Variants in DCAF1 observed in about 807,000 individuals in gnomAD.
DCAF1 encodes DDB1- and CUL4-associated factor 1.
A neutral mutation model predicts 128.0 loss-of-function variants in DCAF1; 15 were observed. That is an observed-to-expected ratio of 0.12 (90% CI 0.08 to 0.18). The LOEUF (loss-of-function observed/expected upper bound fraction) is 0.18, where lower values mean the gene tolerates loss of function less well. Ranked by LOEUF, DCAF1 falls within the 10% of genes least tolerant of loss-of-function variation. The pLI, the probability that DCAF1 is intolerant of heterozygous loss-of-function variation, is 1.00. For missense variants in DCAF1, 988 were observed against 1,649.5 expected (o/e 0.60, Z 6.95); for synonymous variants, 610 against 603.0 (o/e 1.01, Z -0.17).
chr3:51,495,225 G>A (rs972679890), intron 2 of DCAF1, among the ~76,000 whole-genome samples: 1 of 152,144 alleles, frequency 6.6e-6, no homozygotes, highest in Non-Finnish European at 1.5e-5. Context: ...TCGGGAGGCT[G>A]AGGCAGGAGA....
chr3:51,435,998 C>T (rs923775582), intron 9 of DCAF1, among the ~76,000 whole-genome samples: 3 of 152,174 alleles, frequency 2.0e-5, no homozygotes, highest in East Asian at 1.9e-4. Flanking sequence ...AAGTTTGATC[C>T]GACCTTGGTC....
intron 6 of DCAF1, among the ~76,000 whole-genome samples, chr3:51,450,544 G>A (rs917022332): frequency 2.6e-5 from 4 of 152,160 alleles, no homozygotes; most frequent in African/African-American, 9.7e-5. Context: ...CTAGATTCTA[G>A]AAGGAAACAT....
intron 6 of DCAF1, among the ~76,000 whole-genome samples, chr3:51,462,761 A>G (rs1577228923): frequency 6.6e-6 from 1 of 151,316 alleles, no homozygotes; most frequent in South Asian, 2.1e-4. Flanking sequence ...AAAAAAAAAA[A>G]AAAAACTATA....
At chr3:51,415,862 G>A (rs1698834401) in intron 18 of DCAF1, among the ~76,000 whole-genome samples, 1 of 152,048 alleles carries the variant, frequency 6.6e-6, no homozygotes, top group South Asian at 2.1e-4. Context: ...GGGATTACAG[G>A]CAGAAGCCAC....
intron 2 of DCAF1, among the ~76,000 whole-genome samples, chr3:51,492,347 C>T (rs868975188): frequency 6.6e-6 from 1 of 151,862 alleles, no homozygotes; most frequent in African/African-American, 2.4e-5. Flanking sequence ...AACCCCATCT[C>T]TACTAAAAAT....
intron 3 of DCAF1, among the ~76,000 whole-genome samples, chr3:51,476,684 T>C (rs1196583842): frequency 1.3e-5 from 2 of 150,576 alleles, no homozygotes; most frequent in Non-Finnish European, 1.5e-5. Flanking sequence ...AAGACCATCC[T>C]GGCTAACACG....
rs782229791 is a variant in DCAF1 at position 51,413,355 on chromosome 3, T to C, written c.3963A>G (p.Leu1321=). The C allele has an allele frequency of 8.1e-6, 13 of 1,613,442 alleles. No individual in the cohort carries two copies. The highest frequency in any genetic ancestry group is 1.1e-5 in the Non-Finnish European group (13 of 1,179,674). ...AMLQADDEDD[L]MEERMKSPFG... ...AGGGGCTTTTCATCCTCTCTTCCAT[T>C]AAGTCATCTTCATCATCTGCCTGCA... is the stretch of plus-strand genomic sequence containing the variant. The change falls in exon 21 of 25, where the codon TTA becomes TTG. Residue 1321 remains leucine (L), a synonymous_variant. Transcript: ENST00000684031.
chr3:51,436,710 G>A (rs1342856525), intron 9 of DCAF1, among the ~76,000 whole-genome samples: 1 of 152,096 alleles, frequency 6.6e-6, no homozygotes, highest in Non-Finnish European at 1.5e-5. Context: ...AGCACCAAGA[G>A]GACAAAAGTA....
intron 12 of DCAF1, 25 bp from the exon 13 acceptor site, chr3:51,427,566 A>C: frequency 1.7e-6 from 1 of 599,374 alleles, no homozygotes; most frequent in Non-Finnish European, 3.0e-6. Flanking sequence ...ATATAGTATT[A>C]TTATTATATA....
In DCAF1 at chr3:51,498,646, C is replaced by T. The variant is rs529165517; in HGVS notation, c.-56+1227G>A. ...AGTAAAACACTGTACTCAGCAACTA[C>T]GCAAGAGATACTAAGTACAAAATGA... On this transcript the variant is annotated intron_variant, in intron 1 of 24. Coordinates refer to ENST00000684031, the MANE Select transcript of DCAF1 (RefSeq NM_001387579.1). Among the ~76,000 whole-genome samples the T allele has an allele frequency of 8.5e-5, 13 of 152,236 alleles. No individual in the cohort carries two copies. The South Asian group carries it at 2.7e-3, about 32-fold the overall frequency.
chr3:51,457,376 A>G (rs1553643145), intron 6 of DCAF1, among the ~76,000 whole-genome samples: 1 of 152,220 alleles, frequency 6.6e-6, no homozygotes, highest in Non-Finnish European at 1.5e-5. Flanking sequence ...AAGAATAAAA[A>G]GAAACGAACA....
intron 3 of DCAF1, among the ~76,000 whole-genome samples, chr3:51,477,576 A>T (rs1322887905): frequency 6.6e-6 from 1 of 151,948 alleles, no homozygotes; most frequent in Non-Finnish European, 1.5e-5. Flanking sequence ...GCAGTGAGCT[A>T]TGATCACAAC....
At chr3:51,447,968 A>G (rs564390369) in intron 6 of DCAF1, among the ~76,000 whole-genome samples, 2 of 152,062 alleles carry the variant, frequency 1.3e-5, no homozygotes, top group South Asian at 2.1e-4. Context: ...AAAAAGTTCT[A>G]TGTTTACAGA....
intron 2 of DCAF1, among the ~76,000 whole-genome samples, chr3:51,489,908 T>A (rs1267944692): frequency 6.6e-6 from 1 of 151,704 alleles, no homozygotes; most frequent in Non-Finnish European, 1.5e-5. Flanking sequence ...TATTCCTAGA[T>A]GACATAATCC....
At chr3:51,463,342 C>T (rs537416266) in intron 5 of DCAF1, 115 bp from the exon 6 acceptor site, 1 of 473,744 alleles carries the variant, frequency 2.1e-6, no homozygotes, top group East Asian at 3.5e-5. Flanking sequence ...TGAAAGAAGA[C>T]TGTATGTAAC....
intron 6 of DCAF1, among the ~76,000 whole-genome samples, chr3:51,447,714 G>A (rs2118135): frequency 7.3e-4 from 111 of 152,074 alleles, no homozygotes; most frequent in South Asian, 4.2e-3. Flanking sequence ...TCGGGAGGCC[G>A]AGGCGGGTGG....
intron 2 of DCAF1, among the ~76,000 whole-genome samples, chr3:51,492,642 G>A (rs1577331868): frequency 6.6e-6 from 1 of 152,136 alleles, no homozygotes; most frequent in Non-Finnish European, 1.5e-5. Context: ...TAAGAAATGA[G>A]AAAATATAAG....
At chr3:51,470,069 C>T (rs907646732) in intron 4 of DCAF1, among the ~76,000 whole-genome samples, 2 of 151,996 alleles carry the variant, frequency 1.3e-5, no homozygotes, top group Non-Finnish European at 2.9e-5. Context: ...CAAATTAACA[C>T]GAGAAGGCAT....
chr3:51,458,301 T>C (rs1277197395), intron 6 of DCAF1, among the ~76,000 whole-genome samples: 1 of 151,422 alleles, frequency 6.6e-6, no homozygotes, highest in Non-Finnish European at 1.5e-5. Flanking sequence ...CCAACAAAGA[T>C]CAAAAGAGAC....
Sources: gnomAD v4.1 joint callset for allele counts (sites outside exome capture counted in the v4.1 genomes callset) on GRCh38, gnomAD v4.1.1 for gene constraint, MANE v1.5 for transcripts, NCBI Gene and HGNC (gene_info 2026-07-23, HGNC 2026-07-21) for gene names.